CCR3: variants seen among roughly 807,000 people sequenced by gnomAD.
The protein encoded by CCR3 is C-C motif chemokine receptor 3.
For synonymous variants in CCR3, 203 were observed against 179.2 expected (o/e 1.13, Z -1.06); for missense variants, 419 against 437.5 (o/e 0.96, Z 0.38).
At chr3:46,265,115 T>C (rs754155748) in intron 1 of CCR3, 33 bp from the exon 2 acceptor site, 13 of 1,378,604 alleles carry the variant, frequency 9.4e-6, no homozygotes, top group African/African-American at 1.4e-5. Context: ...TTATGCTTCA[T>C]TGTGGGATTG....
Position 46,251,516 on chromosome 3 carries a change from G to A in CCR3, c.-12+8978G>A, listed in dbSNP as rs574677606. Among the ~76,000 whole-genome samples the A allele has an allele frequency of 2.3e-4, 35 of 152,222 alleles. No individual in the cohort carries two copies. In the East Asian group the frequency reaches 2.7e-3, roughly 12 times the overall value. On this transcript the variant is annotated intron_variant, in intron 1 of 1. Coordinates refer to ENST00000395940, the MANE Select transcript of CCR3 (RefSeq NM_178329.3). ...CTGGTCGGTCTGAGGACCTGAGGTC[G>A]TAGGTGGATCTTTCTCACGGAGCAA... is the stretch of plus-strand genomic sequence containing the variant.
chr3:46,260,488 T>C (rs551602312), intron 1 of CCR3, among the ~76,000 whole-genome samples: 33 of 152,288 alleles, frequency 2.2e-4, no homozygotes, highest in Admixed American at 6.5e-4. Context: ...CCATTCTAAA[T>C]GGGAGAAATT....
chr3:46,247,085 C>T (rs1700211275), intron 1 of CCR3, among the ~76,000 whole-genome samples: 1 of 151,980 alleles, frequency 6.6e-6, no homozygotes, highest in African/African-American at 2.4e-5. Flanking sequence ...TTAGAGAGTG[C>T]CTAAGGAGAT....
chr3:46,251,999 A>C (rs4086987), intron 1 of CCR3, among the ~76,000 whole-genome samples: 65,306 of 151,754 alleles, frequency 0.43, 15,090 homozygotes, highest in East Asian at 0.64. Context: ...TTACTTCAGG[A>C]CATCTGGGCA....
At chr3:46,250,039 G>A (rs922759130) in intron 1 of CCR3, among the ~76,000 whole-genome samples, 2 of 152,120 alleles carry the variant, frequency 1.3e-5, no homozygotes, top group Non-Finnish European at 2.9e-5. Context: ...TTAGGGTCTA[G>A]GGCTGTAAAG....
intron 2 of CCR3, among the ~76,000 whole-genome samples, chr3:46,228,288 A>G (rs928127826): frequency 3.9e-5 from 6 of 152,198 alleles, no homozygotes; most frequent in Admixed American, 3.3e-4. Context: ...CTGTTGTTAC[A>G]AAGAGAAATT....
chr3:46,252,249 C>T (rs1700328300), intron 1 of CCR3, among the ~76,000 whole-genome samples: 2 of 144,986 alleles, frequency 1.4e-5, no homozygotes, highest in African/African-American at 2.6e-5. Flanking sequence ...GATCTCAGCT[C>T]ACAGCAAACT....
intron 2 of CCR3, among the ~76,000 whole-genome samples, chr3:46,215,398 G>C (rs2125922545): frequency 6.6e-6 from 1 of 152,264 alleles, no homozygotes; most frequent in Admixed American, 6.5e-5. Flanking sequence ...TTGAAGGTTA[G>C]ACCCAGGAAT....
At chr3:46,246,923 A>G (rs1027837312) in intron 1 of CCR3, among the ~76,000 whole-genome samples, 2 of 151,832 alleles carry the variant, frequency 1.3e-5, no homozygotes, top group Admixed American at 6.6e-5. Flanking sequence ...AAGGGGTGAT[A>G]TTGTGGGGAT....
chr3:46,261,095 A>G (rs1230369154), intron 1 of CCR3, among the ~76,000 whole-genome samples: 1 of 152,164 alleles, frequency 6.6e-6, no homozygotes, highest in African/African-American at 2.4e-5. Context: ...TTCAAAACAG[A>G]TCAAAATCAC....
chr3:46,219,370 G>A (rs1187313700), intron 2 of CCR3, among the ~76,000 whole-genome samples: 9 of 152,156 alleles, frequency 5.9e-5, no homozygotes, highest in South Asian at 2.1e-4. Flanking sequence ...CCATGCTCAC[G>A]GACAGGTAGA....
chr3:46,233,503 A>G (rs1276367298), intron 2 of CCR3, among the ~76,000 whole-genome samples: 1 of 151,894 alleles, frequency 6.6e-6, no homozygotes, highest in South Asian at 2.1e-4. Context: ...CTCCTAAGCT[A>G]TCTTCTGCGT....
intron 2 of CCR3, among the ~76,000 whole-genome samples, chr3:46,235,844 T>C (rs1293862819): frequency 6.6e-6 from 1 of 152,228 alleles, no homozygotes; most frequent in Non-Finnish European, 1.5e-5. Context: ...GATAAGCACA[T>C]GGCATCTGCT....
In CCR3 at chr3:46,242,984, T is replaced by C. The variant is rs867417720; in HGVS notation, c.-12+446T>C. 4.2e-4 allele frequency among the ~76,000 whole-genome samples: 45 copies of C among 107,356 alleles called. 1 individual carries two copies. Among genetic ancestry groups the C allele is most frequent in the East Asian group, 1.1e-3 (4 of 3,718 alleles). 70.4% of individuals were successfully genotyped at this position (107,356 alleles called of 152,430 possible). On this transcript the variant is annotated intron_variant, in intron 1 of 1. Coordinates refer to ENST00000395940, the MANE Select transcript of CCR3 (RefSeq NM_178329.3). ...ATGTGTATATATATATATATACACA[T>C]ATATATATATATATATATACGCACA...
chr3:46,242,959 AT>A (rs1352297750), intron 1 of CCR3, among the ~76,000 whole-genome samples: 1 of 124,018 alleles, frequency 8.1e-6, no homozygotes, highest in Non-Finnish European at 1.7e-5. Context: ...TTACATATAT[AT>A]GTGTATATAT....
intron 2 of CCR3, among the ~76,000 whole-genome samples, chr3:46,224,811 G>T (rs1309238490): frequency 3.3e-5 from 5 of 151,044 alleles, no homozygotes; most frequent in African/African-American, 1.2e-4. Flanking sequence ...TATTAAAAAG[G>T]TTATGAGGCA....
At chr3:46,224,314 G>A (rs1432722335) in intron 2 of CCR3, among the ~76,000 whole-genome samples, 1 of 152,076 alleles carries the variant, frequency 6.6e-6, no homozygotes, top group Non-Finnish European at 1.5e-5. Flanking sequence ...ACCAAACCCT[G>A]GGCCAGGCAC....
intron 1 of CCR3, among the ~76,000 whole-genome samples, chr3:46,245,483 A>T (rs1469603487): frequency 2.6e-5 from 4 of 151,516 alleles, no homozygotes; most frequent in East Asian, 1.9e-4. Flanking sequence ...AAAAACTTTG[A>T]TCCAGACCAA....
At chr3:46,244,205 TAATC>T (rs1211021978) in intron 1 of CCR3, among the ~76,000 whole-genome samples, 9 of 152,232 alleles carry the variant, frequency 5.9e-5, no homozygotes, top group African/African-American at 2.2e-4. Context: ...GTGAATAACT[TAATC>T]ACACAACAAA....
Sources: gnomAD v4.1 joint callset for allele counts (sites outside exome capture counted in the v4.1 genomes callset) on GRCh38, gnomAD v4.1.1 for gene constraint, MANE v1.5 for transcripts, NCBI Gene and HGNC (gene_info 2026-07-23, HGNC 2026-07-21) for gene names.